The following ANO4 variants were observed in gnomAD, a reference collection of about 807,000 sequenced individuals.
ANO4 encodes the protein anoctamin-4.
Under a neutral mutation model 141.9 loss-of-function variants are expected in ANO4, and 69 were observed. The observed-to-expected ratio is 0.49, with a 90% confidence interval of 0.40 to 0.59. The LOEUF (loss-of-function observed/expected upper bound fraction) is 0.59. ANO4 is among the 20% of genes least tolerant of loss of function. The pLI, the probability that ANO4 is intolerant of heterozygous loss-of-function variation, is 0.00. For missense variants in ANO4, 894 were observed against 1,162.2 expected, an observed-to-expected ratio of 0.77 and a Z score of 3.36; for synonymous variants, 350 against 394.3, an observed-to-expected ratio of 0.89 and a Z score of 1.33.
intron 8 of ANO4, among the ~76,000 whole-genome samples, chr12:101,006,355 T>C (rs1201137811): frequency 6.6e-6 from 1 of 152,200 alleles, no homozygotes; most frequent in African/African-American, 2.4e-5. Flanking sequence ...TTTTGTCTTA[T>C]TAGGATGTTG....
intron 1 of ANO4, among the ~76,000 whole-genome samples, chr12:100,844,961 G>T (rs76909971): frequency 0.016 from 2,361 of 152,186 alleles, 163 homozygotes; most frequent in Admixed American, 0.12. Context: ...AGACTGAAAA[G>T]GAACAGCAGA....
At chr12:101,012,246 G>C (rs1325530641) in intron 8 of ANO4, among the ~76,000 whole-genome samples, 1 of 152,220 alleles carries the variant, frequency 6.6e-6, no homozygotes, top group Admixed American at 6.5e-5. Flanking sequence ...CAGTCTGTAG[G>C]GGGAGAGGGG....
At chr12:100,862,346 G>A (rs1488858207) in intron 1 of ANO4, among the ~76,000 whole-genome samples, 4 of 152,060 alleles carry the variant, frequency 2.6e-5, no homozygotes, top group South Asian at 2.1e-4. Context: ...TATTTGAGAC[G>A]GATTTTGCTT....
intron 1 of ANO4, among the ~76,000 whole-genome samples, chr12:100,863,545 CTA>C (rs1326545047): frequency 2.0e-5 from 3 of 152,002 alleles, no homozygotes; most frequent in Non-Finnish European, 4.4e-5. Context: ...TGGAAGCTGA[CTA>C]TATAGTTGAG....
intron 3 of ANO4, among the ~76,000 whole-genome samples, chr12:100,751,122 G>A (rs1360517333): frequency 6.6e-6 from 1 of 152,206 alleles, no homozygotes; most frequent in Non-Finnish European, 1.5e-5. Context: ...CTGCCACGAG[G>A]AATGAATGTG....
chr12:100,935,419 G>T (rs2042246277), intron 3 of ANO4, among the ~76,000 whole-genome samples: 1 of 152,160 alleles, frequency 6.6e-6, no homozygotes, highest in Non-Finnish European at 1.5e-5. Flanking sequence ...TGTTGAACCA[G>T]CCTTGCCTCC....
chr12:100,796,389 T>A (rs922646976), intron 1 of ANO4, among the ~76,000 whole-genome samples: 3 of 152,178 alleles, frequency 2.0e-5, no homozygotes, highest in African/African-American at 7.2e-5. Context: ...TACTTTTATG[T>A]CCCCTGTTCA....
intron 2 of ANO4, among the ~76,000 whole-genome samples, chr12:100,914,682 A>C (rs1447858003): frequency 6.6e-6 from 1 of 152,174 alleles, no homozygotes; most frequent in East Asian, 1.9e-4. Flanking sequence ...CCTACATGTA[A>C]ATCTATGGTT....
At chr12:100,812,130 C>T (rs2373381) in intron 1 of ANO4, among the ~76,000 whole-genome samples, 134,555 of 152,228 alleles carry the variant, frequency 0.88, 59,673 homozygotes, top group East Asian at 0.95. Context: ...TTCCTTTTAA[C>T]TATTAACACT....
intron 1 of ANO4, chr12:100,885,371 G>A (rs1385226371): frequency 2.0e-5 from 3 of 152,148 alleles, no homozygotes; most frequent in Admixed American, 6.5e-5. Context: ...AGCTTCTTGT[G>A]TCCTGACACC....
chr12:100,968,123 AAAT>A (rs145737303), intron 5 of ANO4, among the ~76,000 whole-genome samples: 4,505 of 152,240 alleles, frequency 0.03, 97 homozygotes, highest in Non-Finnish European at 0.043. Context: ...GTTATTATTT[AAAT>A]AATAAGTGAT....
intron 2 of ANO4, among the ~76,000 whole-genome samples, chr12:100,908,950 G>C (rs1299002322): frequency 2.6e-5 from 4 of 152,148 alleles, no homozygotes; most frequent in Non-Finnish European, 5.9e-5. Flanking sequence ...AGGATTTATT[G>C]GGAATTTGCC....
chr12:100,899,228 A>G (rs1283880854), intron 1 of ANO4, among the ~76,000 whole-genome samples: 5 of 152,188 alleles, frequency 3.3e-5, no homozygotes, highest in African/African-American at 1.2e-4. Context: ...GGCTCACAGC[A>G]TTGTGGGCTT....
chr12:100,802,336 G>A (rs1216214220), intron 1 of ANO4, among the ~76,000 whole-genome samples: 1 of 152,168 alleles, frequency 6.6e-6, no homozygotes. Context: ...TTCTGTCTGT[G>A]ATAGATTCAA....
intron 14 of ANO4, among the ~76,000 whole-genome samples, chr12:101,053,386 C>T (rs2047953877): frequency 6.6e-6 from 1 of 152,160 alleles, no homozygotes; most frequent in Admixed American, 6.5e-5. Flanking sequence ...CCTAGGACTG[C>T]TGTAACATAG....
intron 8 of ANO4, among the ~76,000 whole-genome samples, chr12:101,014,636 G>A (rs1477405032): frequency 6.6e-6 from 1 of 152,172 alleles, no homozygotes; most frequent in Non-Finnish European, 1.5e-5. Flanking sequence ...GCCACTTGCT[G>A]TTTGTGTGAC....
At chr12:101,069,105 T>C in intron 14 of ANO4, 1 of 1,233,922 alleles carries the variant, frequency 8.1e-7, no homozygotes, top group South Asian at 1.2e-5. Context: ...GAAGAACTGA[T>C]AAATTTCAAA....
chr12:100,839,068 AT>A (rs138953518), intron 1 of ANO4, among the ~76,000 whole-genome samples: 20 of 149,902 alleles, frequency 1.3e-4, no homozygotes, highest in African/African-American at 2.7e-4. Flanking sequence ...TTAGAAAACT[AT>A]TTTTTTTTTC....
intron 3 of ANO4, among the ~76,000 whole-genome samples, chr12:100,760,742 G>A (rs915081459): frequency 2.0e-5 from 3 of 152,160 alleles, no homozygotes; most frequent in African/African-American, 7.2e-5. Context: ...CTTCTGTTCT[G>A]CAGGCTTGGA....
Sources: gnomAD v4.1 joint callset for allele counts (sites outside exome capture counted in the v4.1 genomes callset) on GRCh38, gnomAD v4.1.1 for gene constraint, MANE v1.5 for transcripts, NCBI Gene and HGNC (gene_info 2026-07-23, HGNC 2026-07-21) for gene names.